EYS: variants seen among roughly 807,000 people sequenced by gnomAD.
EYS encodes protein eyes shut homolog.
In EYS, 250 loss-of-function variants were observed where a neutral mutation model predicts 282.1. The ratio of observed to expected loss-of-function variants is 0.89; its 90% CI spans 0.80 to 0.98. The LOEUF is 0.98. Ranked by LOEUF, EYS falls within the 50% of genes least tolerant of loss-of-function variation. EYS has a pLI of 0.00. For missense variants in EYS, 4,016 were observed against 3,709.0 expected, an observed-to-expected ratio of 1.08 and a Z score of -2.15; for synonymous variants, 1,355 against 1,282.9, an observed-to-expected ratio of 1.06 and a Z score of -1.20.
At chr6:63,856,328 A>T (rs901541786) in intron 36 of EYS, among the ~76,000 whole-genome samples, 2 of 152,216 alleles carry the variant, frequency 1.3e-5, no homozygotes, top group East Asian at 3.8e-4. Flanking sequence ...CTGTGAATAT[A>T]TAGTCTCTCT....
intron 12 of EYS, among the ~76,000 whole-genome samples, chr6:65,108,074 A>G (rs1775097528): frequency 6.6e-6 from 1 of 152,108 alleles, no homozygotes; most frequent in Non-Finnish European, 1.5e-5. Context: ...CATTTACTAG[A>G]TAATTAGCAT....
At chr6:65,422,592 TA>T (rs1416295569) in intron 5 of EYS, among the ~76,000 whole-genome samples, 1 of 151,566 alleles carries the variant, frequency 6.6e-6, no homozygotes, top group African/African-American at 2.4e-5. Flanking sequence ...AACATAAAAT[TA>T]AACAAAAAAA....
chr6:64,865,103 A>T (rs1191504314), intron 19 of EYS, among the ~76,000 whole-genome samples: 1 of 152,110 alleles, frequency 6.6e-6, no homozygotes, highest in Non-Finnish European at 1.5e-5. Context: ...CTGTCTTAGG[A>T]TATTGGTTGC....
chr6:65,295,130 A>C (rs886613970), intron 12 of EYS, among the ~76,000 whole-genome samples: 2 of 151,924 alleles, frequency 1.3e-5, no homozygotes, highest in African/African-American at 2.4e-5. Context: ...AAAATGGAAA[A>C]TCCAACTGGA....
intron 26 of EYS, among the ~76,000 whole-genome samples, chr6:64,570,341 C>A (rs962055406): frequency 6.6e-6 from 1 of 152,152 alleles, no homozygotes; most frequent in African/African-American, 2.4e-5. Flanking sequence ...CAAAAACATA[C>A]CAAATTGTAA....
intron 26 of EYS, among the ~76,000 whole-genome samples, chr6:64,450,702 C>T (rs1775298151): frequency 6.6e-6 from 1 of 152,188 alleles, no homozygotes; most frequent in African/African-American, 2.4e-5. Flanking sequence ...GATTAAGAAA[C>T]TCACTCAAAA....
chr6:64,373,826 C>T (rs980282572), intron 29 of EYS, among the ~76,000 whole-genome samples: 1 of 152,084 alleles, frequency 6.6e-6, no homozygotes, highest in Non-Finnish European at 1.5e-5. Flanking sequence ...ACCTGGCTAT[C>T]GGTGGAGGTG....
At chr6:65,151,905 C>T (rs1764619614) in intron 12 of EYS, among the ~76,000 whole-genome samples, 1 of 151,492 alleles carries the variant, frequency 6.6e-6, no homozygotes, top group Admixed American at 6.6e-5. Context: ...TAGAATTTTC[C>T]TCCCACTATT....
At chr6:63,794,781 C>T (rs1257402326) in intron 37 of EYS, among the ~76,000 whole-genome samples, 2 of 152,148 alleles carry the variant, frequency 1.3e-5, no homozygotes, top group Admixed American at 6.5e-5. Flanking sequence ...TAGCAATTGA[C>T]ATGGTGAGAG....
chr6:65,332,534 C>A, intron 11 of EYS: 1 of 851,376 alleles, frequency 1.2e-6, no homozygotes, highest in African/African-American at 1.7e-5. Context: ...TTTCATTGAT[C>A]TTAGTGGTAT....
chr6:65,219,336 A>G (rs1472827818), intron 12 of EYS, among the ~76,000 whole-genome samples: 1 of 152,198 alleles, frequency 6.6e-6, no homozygotes, highest in East Asian at 1.9e-4. Flanking sequence ...TAGAGGAAAA[A>G]TAGAGAAAAT....
intron 35 of EYS, among the ~76,000 whole-genome samples, chr6:63,912,886 C>T (rs901113401): frequency 5.9e-5 from 9 of 151,844 alleles, no homozygotes; most frequent in Non-Finnish European, 2.9e-5. Context: ...CTGTGTAGCC[C>T]TCAGAACTGT....
chr6:64,304,910 T>G (rs974098986), intron 30 of EYS, among the ~76,000 whole-genome samples: 7 of 152,106 alleles, frequency 4.6e-5, no homozygotes, highest in Non-Finnish European at 1.0e-4. Context: ...ATGCTTGTGT[T>G]AAAAAATAAG....
intron 1 of EYS, among the ~76,000 whole-genome samples, chr6:65,689,016 A>G (rs1300278286): frequency 6.6e-6 from 1 of 150,702 alleles, no homozygotes; most frequent in Non-Finnish European, 1.5e-5. Flanking sequence ...CAGCCATCCC[A>G]TTACTGGGTA....
At chr6:65,596,320 A>C (rs1376813271) in intron 2 of EYS, among the ~76,000 whole-genome samples, 1 of 122,220 alleles carries the variant, frequency 8.2e-6, no homozygotes, top group South Asian at 3.1e-4. Flanking sequence ...ATAAATTTTT[A>C]TGCAGCAATA....
At chr6:65,669,825 C>T (rs1368247595) in intron 1 of EYS, among the ~76,000 whole-genome samples, 2 of 151,946 alleles carry the variant, frequency 1.3e-5, no homozygotes, top group Non-Finnish European at 2.9e-5. Context: ...ATGGCTTTGT[C>T]ACACAGGAAT....
chr6:64,520,375 T>C (rs1777696142), intron 26 of EYS, among the ~76,000 whole-genome samples: 1 of 151,770 alleles, frequency 6.6e-6, no homozygotes, highest in African/African-American at 2.4e-5. Context: ...GTTTTTCTAC[T>C]ATTACCAACT....
intron 35 of EYS, among the ~76,000 whole-genome samples, chr6:63,886,708 A>G (rs1191659101): frequency 6.6e-6 from 1 of 152,116 alleles, no homozygotes; most frequent in Non-Finnish European, 1.5e-5. Flanking sequence ...TGCTACCTTC[A>G]CTGTGCCTAT....
chr6:63,906,407 CTTGA>C (rs1214885367), intron 35 of EYS, among the ~76,000 whole-genome samples: 4 of 152,146 alleles, frequency 2.6e-5, no homozygotes, highest in Non-Finnish European at 5.9e-5. Flanking sequence ...TAGAATTTGG[CTTGA>C]TTTTCTTTAT....
Sources: gnomAD v4.1 joint callset for allele counts (sites outside exome capture counted in the v4.1 genomes callset) on GRCh38, gnomAD v4.1.1 for gene constraint, MANE v1.5 for transcripts, NCBI Gene and HGNC (gene_info 2026-07-23, HGNC 2026-07-21) for gene names.